The following CEP68 variants were observed in gnomAD, a reference collection of about 807,000 sequenced individuals.
The protein encoded by CEP68 is centrosomal protein of 68 kDa.
A neutral mutation model predicts 55.3 loss-of-function variants in CEP68; 26 were observed. That is an observed-to-expected ratio of 0.47 (90% CI 0.34 to 0.65). The LOEUF (loss-of-function observed/expected upper bound fraction) is 0.65. CEP68 is among the 30% of genes least tolerant of loss of function. The pLI, the probability that CEP68 is intolerant of heterozygous loss-of-function variation, is 0.01. For synonymous variants in CEP68, 402 were observed against 383.2 expected (o/e 1.05, Z -0.57); for missense variants, 957 against 946.7 (o/e 1.01, Z -0.14).
At chr2:65,068,670 T>C (rs926140627) in intron 1 of CEP68, among the ~76,000 whole-genome samples, 4 of 151,762 alleles carry the variant, frequency 2.6e-5, no homozygotes, top group Non-Finnish European at 4.4e-5. Context: ...CTACTAAAAA[T>C]AGAAAAATTA....
In CEP68 at chr2:65,072,974, T is replaced by C; in HGVS notation, c.1878T>C (p.Cys626=). 2.5e-6 allele frequency: 4 copies of C among 1,614,176 alleles called. No individual in the cohort carries two copies. The highest frequency in any genetic ancestry group is 3.4e-6 in the Non-Finnish European group (4 of 1,180,020). The change falls in exon 3 of 7, where the codon TGT becomes TGC. Residue 626 remains cysteine (C), a synonymous_variant. Transcript: ENST00000377990. ...GEQGKESLVQ[C]VKTFCCQLEE... ...AGGGAAAAGAATCACTGGTGCAATG[T>C]GTGAAGGTAATGACACTCAACGTTA...
intron 1 of CEP68, among the ~76,000 whole-genome samples, chr2:65,059,734 A>G (rs1675820013): frequency 6.6e-6 from 1 of 152,068 alleles, no homozygotes. Flanking sequence ...CTTCTGAAAC[A>G]TTTTTCTTAC....
At chr2:65,081,592 C>T (rs1472574450) in intron 5 of CEP68, among the ~76,000 whole-genome samples, 1 of 152,240 alleles carries the variant, frequency 6.6e-6, no homozygotes, top group Non-Finnish European at 1.5e-5. Context: ...AAAAAGCCTG[C>T]TGTGTGAGAT....
intron 1 of CEP68, among the ~76,000 whole-genome samples, chr2:65,057,238 G>A (rs1444257458): frequency 6.6e-6 from 1 of 152,250 alleles, no homozygotes; most frequent in East Asian, 1.9e-4. Context: ...ACCTCACTGG[G>A]AATTCATCAG....
intron 4 of CEP68, among the ~76,000 whole-genome samples, chr2:65,076,696 T>C (rs1430758258): frequency 6.6e-6 from 1 of 152,082 alleles, no homozygotes; most frequent in African/African-American, 2.4e-5. Context: ...AATAAAATAA[T>C]AAGTATAGGT....
chr2:65,079,691 C>T (rs1048640109), intron 5 of CEP68, among the ~76,000 whole-genome samples: 1 of 152,218 alleles, frequency 6.6e-6, no homozygotes, highest in African/African-American at 2.4e-5. Context: ...AATCACAGCC[C>T]TGTGAGATGG....
At chr2:65,057,148 C>T (rs1675664572) in intron 1 of CEP68, among the ~76,000 whole-genome samples, 1 of 152,228 alleles carries the variant, frequency 6.6e-6, no homozygotes, top group Non-Finnish European at 1.5e-5. Flanking sequence ...AAACCTGTTC[C>T]AGGCCCTTGA....
Position 65,072,973 on chromosome 2 carries a change from G to A in CEP68, c.1877G>A (p.Cys626Tyr). The change falls in exon 3 of 7, where the codon TGT (cysteine) becomes TAT (tyrosine). Residue 626 changes from cysteine to tyrosine, a missense_variant. Transcript: ENST00000377990. ...GEQGKESLVQ[C>Y]VKTFCCQLEE... is the part of the protein sequence containing the mutation. ...CAGGGAAAAGAATCACTGGTGCAAT[G>A]TGTGAAGGTAATGACACTCAACGTT... The A allele has an allele frequency of 1.2e-6, 2 of 1,614,240 alleles. No individual in the cohort carries two copies. The highest frequency in any genetic ancestry group is 1.1e-5 in the South Asian group (1 of 91,090).
intron 1 of CEP68, among the ~76,000 whole-genome samples, chr2:65,062,564 G>C (rs1333540697): frequency 6.8e-6 from 1 of 146,914 alleles, no homozygotes; most frequent in East Asian, 2.0e-4. Flanking sequence ...GGCGGGGCGT[G>C]ATGGCTTATA....
In CEP68 at chr2:65,085,940, G is replaced by A. The variant is rs1669015321; in HGVS notation, c.*2306G>A. 1 of 152,210 alleles carries A rather than the reference G, an allele frequency of 6.6e-6. No individual in the cohort carries two copies. The highest frequency in any genetic ancestry group is 2.1e-4 in the South Asian group (1 of 4,838). 9.4% of individuals were successfully genotyped at this position (152,210 alleles called of 1,614,324 possible). A position where few individuals can be genotyped will look rare whatever the true frequency, so the allele number is the denominator to read the frequency against. The stretch of plus-strand genomic sequence containing the variant: ...CTAACTGCACTGTGATGCCACACTG[G>A]AATAACTTAGTAGTCCCTTAAAATT... On this transcript the variant is annotated 3_prime_UTR_variant, in exon 7 of 7. Coordinates refer to ENST00000377990, the MANE Select transcript of CEP68 (RefSeq NM_015147.3).
At position 65,071,896 on chromosome 2, in the gene CEP68, T is replaced by C. The variant is rs770756481; in HGVS notation, c.800T>C (p.Leu267Pro). The C allele has an allele frequency of 3.1e-6, 5 of 1,612,664 alleles. No individual in the cohort carries two copies. The Admixed American group carries it at 8.3e-5, about 27-fold the overall frequency. ...GDASGLGRRR[L>P]SFQAEYWACV... ...GCTTCTGGGCTAGGCAGGAGACGCC[T>C]CTCCTTCCAGGCTGAGTACTGGGCC... Residue 267 changes from leucine (L) to proline (P), a missense_variant, in exon 3 of 7, where the codon CTC becomes CCC. Coordinates refer to ENST00000377990, the MANE Select transcript of CEP68 (RefSeq NM_015147.3).
intron 1 of CEP68, 86 bp from the exon 2 acceptor site, chr2:65,069,313 T>C (rs1262646415): frequency 5.5e-6 from 4 of 722,744 alleles, no homozygotes; most frequent in Non-Finnish European, 8.8e-6. Flanking sequence ...ACCAAAAATA[T>C]GTTTGCCTTA....
intron 1 of CEP68, 51 bp downstream of exon 1, chr2:65,056,579 G>T (rs1460741171): frequency 6.8e-6 from 1 of 147,970 alleles, no homozygotes; most frequent in Non-Finnish European, 1.5e-5. Context: ...CCGCGGCGCT[G>T]GGGGCGGTGG....
intron 1 of CEP68, among the ~76,000 whole-genome samples, chr2:65,066,130 G>A (rs575327501): frequency 3.3e-5 from 5 of 152,194 alleles, no homozygotes; most frequent in African/African-American, 1.2e-4. Flanking sequence ...CTCAGACCAG[G>A]ACCATGTAGT....
chr2:65,069,828 G>A (rs780869127), intron 2 of CEP68, 27 bp downstream of exon 2: 26 of 1,572,960 alleles, frequency 1.7e-5, no homozygotes, highest in Non-Finnish European at 2.2e-5. Flanking sequence ...GACTGTAGAT[G>A]GACCCATTGC....
rs1203888617 is a variant in CEP68, at chr2:65,072,252, CAG to C, written c.1157_1158del (p.Gln386ArgfsTer21). The C allele has an allele frequency of 1.2e-6, 2 of 1,614,114 alleles. No individual in the cohort carries two copies. The highest frequency in any genetic ancestry group is 1.7e-6 in the Non-Finnish European group (2 of 1,180,000). On this transcript the variant is annotated frameshift_variant, in exon 3 of 7. Coordinates refer to ENST00000377990, the MANE Select transcript of CEP68 (RefSeq NM_015147.3). LOFTEE classifies it high-confidence loss of function. ...KQWPSRVPQK[Q>X]GGMGLASWSQ... ...GTGGCCCTCCAGAGTACCCCAGAAA[CAG>C]GGTGGCATGGGCTTGGCATCTTGGA...
chr2:65,074,771 C>T (rs549469276), intron 4 of CEP68: 2 of 243,108 alleles, frequency 8.2e-6, no homozygotes, highest in South Asian at 4.6e-5. Flanking sequence ...AAGACCCCCC[C>T]CCCTCAAAAA....
chr2:65,070,682 A>G (rs1365132383), intron 2 of CEP68: 3 of 152,058 alleles, frequency 2.0e-5, no homozygotes, highest in Admixed American at 1.3e-4. Flanking sequence ...GCGAATCATA[A>G]ACAGACACAG....
chr2:65,083,366 T>C (rs1668923295), intron 6 of CEP68, among the ~76,000 whole-genome samples: 1 of 152,238 alleles, frequency 6.6e-6, no homozygotes, highest in Non-Finnish European at 1.5e-5. Context: ...CAAAGGTGGG[T>C]GTGTCCACCA....
Sources: gnomAD v4.1 joint callset for allele counts (sites outside exome capture counted in the v4.1 genomes callset) on GRCh38, gnomAD v4.1.1 for gene constraint, MANE v1.5 for transcripts, NCBI Gene and HGNC (gene_info 2026-07-23, HGNC 2026-07-21) for gene names.